The following RXRG variants were observed in gnomAD, a reference collection of about 807,000 sequenced individuals.
The protein encoded by RXRG is retinoic acid receptor RXR-gamma.
A neutral mutation model predicts 49.2 loss-of-function variants in RXRG; 19 were observed. The ratio of observed to expected loss-of-function variants is 0.39; its 90% CI spans 0.27 to 0.57. The LOEUF (loss-of-function observed/expected upper bound fraction) is 0.57, where lower values mean the gene tolerates loss of function less well. RXRG is among the 20% of genes least tolerant of loss of function. RXRG has a pLI of 0.64. For missense variants in RXRG, 452 were observed against 592.5 expected (o/e 0.76, Z 2.46); for synonymous variants, 224 against 216.6 (o/e 1.03, Z -0.30).
chr1:165,412,634 A>G (rs750699053), intron 4 of RXRG, among the ~76,000 whole-genome samples: 4 of 152,212 alleles, frequency 2.6e-5, no homozygotes, highest in Non-Finnish European at 4.4e-5. Flanking sequence ...CTGAAATAAT[A>G]TCGTAAGGAT....
At chr1:165,432,484 A>G (rs1658699789) in intron 1 of RXRG, among the ~76,000 whole-genome samples, 1 of 152,226 alleles carries the variant, frequency 6.6e-6, no homozygotes, top group Non-Finnish European at 1.5e-5. Context: ...AACTTTTATG[A>G]CAAAAGTGTT....
At chr1:165,430,415 G>A (rs1372006981) in intron 1 of RXRG, among the ~76,000 whole-genome samples, 1 of 152,246 alleles carries the variant, frequency 6.6e-6, no homozygotes, top group East Asian at 1.9e-4. Context: ...AGAGCAGGAA[G>A]TGTCAGAAAT....
chr1:165,412,825 C>A (rs1447325291), intron 4 of RXRG, among the ~76,000 whole-genome samples: 1 of 152,164 alleles, frequency 6.6e-6, no homozygotes, highest in African/African-American at 2.4e-5. Context: ...CATTCACTGA[C>A]AACATGTAGA....
rs749137726 is a variant in RXRG at position 165,428,912 on chromosome 1, G to A, written c.104C>T (p.Thr35Ile). The change falls in exon 2 of 10, where the codon ACA (threonine) becomes ATA (isoleucine). Residue 35 changes from threonine (T) to isoleucine (I), a missense_variant. Physicochemically the swap from Thr to Ile is moderately conservative, Grantham distance 89. Around this residue, in one of 2 missense-constraint regions of RXRG, gnomAD observed 166 missense variants for 151.7 expected, o/e 1.09. Coordinates refer to ENST00000359842, the MANE Select transcript of RXRG (RefSeq NM_006917.5). ...GGGGTGGCTGTCCATTGGCTTCCCT[G>A]TGGACAAGGCTGCTGATGGGCTCAT... ...TSMSPSAALSTGKPMDSHPSY... is the reference protein window; with the variant it reads ...TSMSPSAALSIGKPMDSHPSY... The A allele has an allele frequency of 6.2e-7, 1 of 1,613,872 alleles. No homozygotes were observed. The highest frequency in any genetic ancestry group is 1.7e-5 in the Admixed American group (1 of 60,010).
Position 165,406,605 on chromosome 1 carries a change from G to A in RXRG, c.1244+207C>T, listed in dbSNP as rs567030834. On this transcript the variant is annotated intron_variant, in intron 9 of 9. Transcript: ENST00000359842. ...TACTATGTGTCGGGCACTATTTTACGTGTTGAGGCTAGAGGAGTGAATGGT... is the reference window on the plus strand; with the variant it reads ...TACTATGTGTCGGGCACTATTTTACATGTTGAGGCTAGAGGAGTGAATGGT... Among the ~76,000 whole-genome samples, 3 of 152,292 alleles carry A rather than the reference G, an allele frequency of 2.0e-5. No homozygotes were observed. In the East Asian group the frequency reaches 5.8e-4, roughly 29 times the overall value.
chr1:165,406,987 C>A, intron 8 of RXRG, 70 bp from the exon 9 acceptor site: 1 of 1,138,866 alleles, frequency 8.8e-7, no homozygotes. Flanking sequence ...TTCTCTCTGG[C>A]CACTCTCTGT....
intron 9 of RXRG, among the ~76,000 whole-genome samples, chr1:165,405,937 G>T (rs1421233108): frequency 1.3e-5 from 2 of 152,192 alleles, no homozygotes; most frequent in East Asian, 3.9e-4. Context: ...GTAGATATTA[G>T]ACTTCACAGA....
chr1:165,438,257 A>G (rs562438127), intron 1 of RXRG, among the ~76,000 whole-genome samples: 1 of 152,338 alleles, frequency 6.6e-6, no homozygotes, highest in East Asian at 1.9e-4. Flanking sequence ...TTGAATGCCA[A>G]TATCATGCTC....
intron 1 of RXRG, among the ~76,000 whole-genome samples, chr1:165,443,113 TCCAAGATTCCAGCCC>T (rs1659056117): frequency 6.6e-6 from 1 of 152,190 alleles, no homozygotes; most frequent in Non-Finnish European, 1.5e-5. Flanking sequence ...ATGCTAACAT[TCCAAGATTCCAGCCC>T]CCATGGAATT....
At chr1:165,405,298 G>T (rs74121143) in intron 9 of RXRG, among the ~76,000 whole-genome samples, 6,475 of 152,274 alleles carry the variant, frequency 0.043, 163 homozygotes, top group East Asian at 0.072. Flanking sequence ...ATTTGCCCAA[G>T]GCTCACACCT....
rs1178160951 is a variant in RXRG, at chr1:165,411,068, T to A, written c.664A>T (p.Ser222Cys). 6.2e-7 allele frequency: 1 copy of A among 1,614,010 alleles called. No homozygotes were observed. Among genetic ancestry groups the A allele is most frequent in the Non-Finnish European group, 8.5e-7 (1 of 1,180,010 alleles). The change falls in exon 5 of 10, where the codon AGT becomes TGT. Residue 222 changes from serine (S) to cysteine (C), a missense_variant. Ser to Cys is a moderately radical substitution (Grantham distance 112). Coordinates refer to ENST00000359842, the MANE Select transcript of RXRG (RefSeq NM_006917.5). ...CCACTGGTAGCACATTCTGCCTCAC[T>A]CTCAGCTCGCTCTCGGCTCCTCTGT... is the stretch of plus-strand genomic sequence containing the variant. ...ERQRSRERAE[S>C]EAECATSGHE...
At chr1:165,404,035 A>C (rs1232523165) in intron 9 of RXRG, among the ~76,000 whole-genome samples, 1 of 152,208 alleles carries the variant, frequency 6.6e-6, no homozygotes, top group Non-Finnish European at 1.5e-5. Flanking sequence ...TGAAAGCAGA[A>C]TGTGGCCCTT....
At chr1:165,419,099 G>C (rs1658226967) in intron 3 of RXRG, among the ~76,000 whole-genome samples, 1 of 152,074 alleles carries the variant, frequency 6.6e-6, no homozygotes, top group Non-Finnish European at 1.5e-5. Flanking sequence ...TTGATGGGGA[G>C]GGAAATATGG....
chr1:165,423,238 A>G lies in RXRG; in HGVS notation c.298-3224T>C, dbSNP rs147798144. Among the ~76,000 whole-genome samples the G allele has an allele frequency of 5.9e-5, 9 of 152,292 alleles. No individual in the cohort carries two copies. The East Asian group carries it at 7.7e-4, about 13-fold the overall frequency. On this transcript the variant is annotated intron_variant, in intron 2 of 9. Transcript: ENST00000359842. ...AGCTGCCTGGTCCCCAAGTCCCCCA[A>G]TCCCGGCTGTCTTGTTCCATTAGAA...
intron 1 of RXRG, among the ~76,000 whole-genome samples, chr1:165,440,352 T>C (rs1011853712): frequency 1.3e-5 from 2 of 152,190 alleles, no homozygotes; most frequent in African/African-American, 4.8e-5. Context: ...ATGAAACGAG[T>C]TGATACAGGT....
chr1:165,442,619 T>C (rs1659043139), intron 1 of RXRG, among the ~76,000 whole-genome samples: 1 of 152,230 alleles, frequency 6.6e-6, no homozygotes, highest in Admixed American at 6.5e-5. Context: ...TTTCCCAGAT[T>C]CCTTATTTAT....
At position 165,437,008 on chromosome 1, in the gene RXRG, T is replaced by G. The variant is rs1658836031; in HGVS notation, c.49+7837A>C. ...GAAACAAAGCACTTAATGAATATCT[T>G]GGAGTGTTTCTTCTAGGCTGGTTGC... On this transcript the variant is annotated intron_variant, in intron 1 of 9. Transcript: ENST00000359842. The G allele has an allele frequency of 9.3e-6, 11 of 1,183,440 alleles. No homozygotes were observed. The South Asian group carries it at 1.6e-4, about 17-fold the overall frequency. 73.3% of individuals were successfully genotyped at this position (1,183,440 alleles called of 1,614,324 possible).
chr1:165,409,833 A>G (rs1253799101), intron 6 of RXRG, 143 bp from the exon 7 acceptor site: 38 of 754,016 alleles, frequency 5.0e-5, no homozygotes, highest in Non-Finnish European at 6.8e-5. Flanking sequence ...TCAAGATGAC[A>G]CAGTTCATTA....
rs752446475 is a variant in RXRG at position 165,419,848 on chromosome 1, G to A, written c.442+22C>T. 4 of 1,578,312 alleles carry A rather than the reference G, an allele frequency of 2.5e-6. No individual in the cohort carries two copies. The East Asian group carries it at 9.1e-5, about 36-fold the overall frequency. On this transcript the variant is annotated intron_variant, in intron 3 of 9. Coordinates refer to ENST00000359842, the MANE Select transcript of RXRG (RefSeq NM_006917.5). The stretch of plus-strand genomic sequence containing the variant: ...CCCCTTCTCTGTGGCACTTTTCAGG[G>A]AGTGTCTGCTTCTGCATGTACCTGA...
Sources: allele counts gnomAD v4.1 joint callset (sites outside exome capture counted in the v4.1 genomes callset), GRCh38; gene constraint gnomAD v4.1.1; regional missense constraint gnomAD v4.1.1; transcripts MANE v1.5; gene names NCBI Gene and HGNC (gene_info 2026-07-23, HGNC 2026-07-21).